The following VRK2 variants were observed in gnomAD, a reference collection of about 807,000 sequenced individuals.
VRK2 encodes VRK serine/threonine kinase 2.
A neutral mutation model predicts 57.6 loss-of-function variants in VRK2; 60 were observed. The ratio of observed to expected loss-of-function variants is 1.04; its 90% CI spans 0.85 to 1.29. The LOEUF is 1.29. Among genes scored for constraint, VRK2 ranks in the 50% most tolerant of loss-of-function variants. The probability of loss-of-function intolerance (pLI) is 0.00; values close to 1 mark genes in which losing one functional copy is unlikely to be tolerated. For synonymous variants in VRK2, 231 were observed against 199.2 expected (o/e 1.16, Z -1.35); for missense variants, 705 against 588.1 (o/e 1.20, Z -2.06).
At chr2:57,924,426 A>G (rs1215410513) in intron 1 of VRK2, among the ~76,000 whole-genome samples, 1 of 151,952 alleles carries the variant, frequency 6.6e-6, no homozygotes, top group Non-Finnish European at 1.5e-5. Context: ...TTCATTGCAG[A>G]GATCTTTCAC....
intron 1 of VRK2, among the ~76,000 whole-genome samples, chr2:58,002,476 C>CA (rs1165597505): frequency 6.9e-5 from 10 of 144,926 alleles, no homozygotes; most frequent in South Asian, 4.4e-4. Context: ...ATTCCATCTC[C>CA]AAAAAAAAAA....
chr2:58,091,311 G>A (rs1672343733), intron 7 of VRK2, among the ~76,000 whole-genome samples: 1 of 152,026 alleles, frequency 6.6e-6, no homozygotes, highest in Non-Finnish European at 1.5e-5. Flanking sequence ...TGGGCTTGAG[G>A]TATATGGGAA....
chr2:58,154,729 G>T (rs777621112), intron 12 of VRK2: 3 of 716,934 alleles, frequency 4.2e-6, no homozygotes, highest in Non-Finnish European at 7.8e-6. Context: ...CTTGATCTTG[G>T]TGTATTTTCT....
chr2:58,005,503 A>C (rs1451061225), intron 1 of VRK2, among the ~76,000 whole-genome samples: 1 of 152,086 alleles, frequency 6.6e-6, no homozygotes, highest in African/African-American at 2.4e-5. Flanking sequence ...TAATAAGATA[A>C]TTAAAATTTA....
chr2:58,002,439 C>T (rs1447159308), intron 1 of VRK2, among the ~76,000 whole-genome samples: 1 of 152,042 alleles, frequency 6.6e-6, no homozygotes, highest in Admixed American at 6.5e-5. Context: ...CATGCCATTG[C>T]ACTCCAGCTT....
intron 7 of VRK2, among the ~76,000 whole-genome samples, chr2:58,118,711 C>T (rs1480351573): frequency 6.6e-6 from 1 of 152,116 alleles, no homozygotes; most frequent in East Asian, 1.9e-4. Flanking sequence ...CATGTGTGTC[C>T]GTGTGAAGAG....
intron 7 of VRK2, among the ~76,000 whole-genome samples, chr2:58,098,667 A>G (rs972981986): frequency 6.6e-6 from 1 of 152,032 alleles, no homozygotes; most frequent in African/African-American, 2.4e-5. Flanking sequence ...CTGTACTATC[A>G]GGGGTTGTGT....
chr2:57,929,768 C>T (rs1670659330), intron 1 of VRK2, among the ~76,000 whole-genome samples: 1 of 152,102 alleles, frequency 6.6e-6, no homozygotes, highest in Non-Finnish European at 1.5e-5. Flanking sequence ...GCTCTTTAGT[C>T]AGCAGGTGAC....
intron 7 of VRK2, among the ~76,000 whole-genome samples, chr2:58,108,413 A>G (rs1675071772): frequency 6.6e-6 from 1 of 152,118 alleles, no homozygotes; most frequent in South Asian, 2.1e-4. Flanking sequence ...TTTGCCAGAA[A>G]AATCCTTCCG....
At chr2:57,971,560 T>A (rs1672099196) in intron 1 of VRK2, among the ~76,000 whole-genome samples, 1 of 151,928 alleles carries the variant, frequency 6.6e-6, no homozygotes, top group Non-Finnish European at 1.5e-5. Flanking sequence ...ACAGTCTTAA[T>A]TTTATTTATC....
chr2:58,145,956 C>T (rs908097153), intron 11 of VRK2, among the ~76,000 whole-genome samples: 1 of 152,052 alleles, frequency 6.6e-6, no homozygotes, highest in African/African-American at 2.4e-5. Flanking sequence ...ATGAACTCAT[C>T]CTTTTTAATG....
intron 3 of VRK2, among the ~76,000 whole-genome samples, chr2:58,038,128 T>C (rs1419328299): frequency 6.6e-6 from 1 of 152,058 alleles, no homozygotes; most frequent in Non-Finnish European, 1.5e-5. Context: ...CCAAATCTCA[T>C]CTCGAATTGT....
intron 1 of VRK2, chr2:58,048,537 C>T: frequency 5.1e-6 from 7 of 1,359,964 alleles, no homozygotes; most frequent in Non-Finnish European, 6.8e-6. Flanking sequence ...GTGTGTCCTG[C>T]ACTGTTAATA....
intron 11 of VRK2, among the ~76,000 whole-genome samples, chr2:58,143,863 C>T (rs1003252277): frequency 7.3e-5 from 11 of 151,326 alleles, no homozygotes; most frequent in East Asian, 1.9e-4. Context: ...AAGTGTGGTC[C>T]GTAACCACAA....
At chr2:58,028,903 AAT>A (rs58729342) in intron 2 of VRK2, among the ~76,000 whole-genome samples, 813 of 53,918 alleles carry the variant, frequency 0.015, 4 homozygotes, top group East Asian at 0.027. Flanking sequence ...TAAATAAATA[AAT>A]ATATATATAT....
At chr2:57,970,433 T>C (rs560044193) in intron 1 of VRK2, among the ~76,000 whole-genome samples, 2 of 151,512 alleles carry the variant, frequency 1.3e-5, no homozygotes, top group East Asian at 3.9e-4. Context: ...TTGAATTCTT[T>C]GTGGATTTTT....
chr2:58,159,118 G>T, intron 12 of VRK2: 1 of 372,394 alleles, frequency 2.7e-6, no homozygotes, highest in Non-Finnish European at 4.8e-6. Context: ...TACTGACGTG[G>T]TTTAAAAGAA....
chr2:58,022,210 C>T (rs1673778817), intron 1 of VRK2, among the ~76,000 whole-genome samples: 2 of 152,112 alleles, frequency 1.3e-5, no homozygotes, highest in African/African-American at 4.8e-5. Flanking sequence ...TGTCACTGCA[C>T]CCAGACAATG....
chr2:58,009,861 T>C (rs546547801), intron 1 of VRK2, among the ~76,000 whole-genome samples: 3 of 152,148 alleles, frequency 2.0e-5, no homozygotes, highest in Non-Finnish European at 4.4e-5. Flanking sequence ...TTTTTTCTCC[T>C]ACTTACCCAT....
Sources: gnomAD v4.1 joint callset for allele counts (sites outside exome capture counted in the v4.1 genomes callset) on GRCh38, gnomAD v4.1.1 for gene constraint, MANE v1.5 for transcripts, NCBI Gene and HGNC (gene_info 2026-07-23, HGNC 2026-07-21) for gene names.